Variants in AIM2 observed in about 807,000 individuals in gnomAD.
AIM2 encodes interferon-inducible protein AIM2.
Under a neutral mutation model 27.7 loss-of-function variants are expected in AIM2, and 30 were observed. The observed-to-expected ratio is 1.08, with a 90% CI of 0.81 to 1.47. AIM2 has a LOEUF of 1.47. Ranked by LOEUF, AIM2 falls within the 40% of genes most tolerant of loss-of-function variation. AIM2 has a pLI of 0.00. For missense variants in AIM2, 358 were observed against 411.3 expected, an observed-to-expected ratio of 0.87 and a Z score of 1.12; for synonymous variants, 141 against 145.3, an observed-to-expected ratio of 0.97 and a Z score of 0.21.
At chr1:159,058,809 G>A (rs1655738016), downstream of AIM2, among the ~76,000 whole-genome samples, 1 of 152,184 alleles carries the variant, frequency 6.6e-6, no homozygotes, top group Admixed American at 6.5e-5. Flanking sequence ...TGAAGCATGA[G>A]GAGGGCAGGG....
chr1:159,142,069 C>T (rs1180407285), upstream of AIM2, among the ~76,000 whole-genome samples: 1 of 152,210 alleles, frequency 6.6e-6, no homozygotes, highest in East Asian at 1.9e-4. Flanking sequence ...TCCACCCCCA[C>T]TCCCTCACTG....
At chr1:159,085,140 C>T (rs1656876626) in intron 1 of AIM2, among the ~76,000 whole-genome samples, 1 of 152,132 alleles carries the variant, frequency 6.6e-6, no homozygotes, top group Admixed American at 6.5e-5. Context: ...AAGATGGAAA[C>T]TCCATGGAGA....
intron 1 of AIM2, among the ~76,000 whole-genome samples, chr1:159,111,832 ATCTATCT>A (rs1657582928): frequency 4.0e-4 from 2 of 4,990 alleles, no homozygotes; most frequent in South Asian, 7.1e-3. Context: ...TCTATCTATC[ATCTATCT>A]ATCTATCTAT....
Position 159,116,504 on chromosome 1 carries a change from T to TA in AIM2, c.-16+23926dup, listed in dbSNP as rs562075494. Among the ~76,000 whole-genome samples, 391 of 152,248 alleles carry TA rather than the reference T, an allele frequency of 2.6e-3. 4 individuals are homozygous for TA. The highest frequency in any genetic ancestry group is 8.9e-3 in the African/African-American group (369 of 41,530). On this transcript the variant is annotated intron_variant, in intron 1 of 2. Coordinates refer to the AIM2 transcript ENST00000368129. ...TACATCATGGAATACTATGCAGCCA[T>TA]AAAAAATGATGAGTTCATGTCCTTT...
chr1:159,142,805 T>C (rs1320651751), upstream of AIM2, among the ~76,000 whole-genome samples: 2 of 152,192 alleles, frequency 1.3e-5, no homozygotes, highest in Middle Eastern at 6.3e-3. Flanking sequence ...TCCAAATCCT[T>C]CTTACCTCAC....
chr1:159,086,882 A>G (rs377586309), intron 1 of AIM2, among the ~76,000 whole-genome samples: 157 of 152,312 alleles, frequency 1.0e-3, no homozygotes, highest in African/African-American at 3.6e-3. Context: ...CATTATTATT[A>G]TGACTATCAA....
At chr1:159,077,382 C>T (rs1458903447), upstream of AIM2, among the ~76,000 whole-genome samples, 4 of 152,218 alleles carry the variant, frequency 2.6e-5, no homozygotes, top group Non-Finnish European at 4.4e-5. Context: ...CCGGAACTGT[C>T]ATGGCGTCAG....
rs1385208042 is a variant in AIM2, at chr1:159,065,810, A to G, written c.816+100T>C. 11 of 1,264,016 alleles carry G rather than the reference A, an allele frequency of 8.7e-6. 1 individual carries two copies. The highest frequency in any genetic ancestry group is 6.1e-5 in the African/African-American group (4 of 66,092). The allele number at this position is 1,264,016 out of a possible 1,614,324, so 78.3% of individuals were successfully genotyped here. ...AACTTTGTATTTTTTTATTTTGTCT[A>G]TATAGAAAGACATTAAAACCATTTC... On this transcript the variant is annotated intron_variant, in intron 4 of 5. Coordinates refer to ENST00000368130, the MANE Select transcript of AIM2 (RefSeq NM_004833.3).
upstream of AIM2, among the ~76,000 whole-genome samples, chr1:159,141,994 C>T (rs1557918199): frequency 6.6e-6 from 1 of 152,154 alleles, no homozygotes; most frequent in Admixed American, 6.5e-5. Flanking sequence ...GAAAATCTCT[C>T]GATTCTCATG....
chr1:159,144,141 GTGTT>G (rs2102062184), upstream of AIM2, among the ~76,000 whole-genome samples: 1 of 152,292 alleles, frequency 6.6e-6, no homozygotes, highest in African/African-American at 2.4e-5. Flanking sequence ...ATGAGGCAGA[GTGTT>G]TGTCCCCTTT....
intron 1 of AIM2, among the ~76,000 whole-genome samples, chr1:159,116,615 T>C (rs1434439949): frequency 2.0e-5 from 3 of 151,846 alleles, no homozygotes; most frequent in Non-Finnish European, 2.9e-5. Context: ...TTCTCACTCA[T>C]AGGTGGGAAC....
At chr1:159,105,405 G>T (rs1657416361) in intron 1 of AIM2, among the ~76,000 whole-genome samples, 1 of 152,118 alleles carries the variant, frequency 6.6e-6, no homozygotes, top group Non-Finnish European at 1.5e-5. Flanking sequence ...CTGCAACATA[G>T]TGAGTGGGGG....
intron 1 of AIM2, among the ~76,000 whole-genome samples, chr1:159,096,456 G>A (rs1657183174): frequency 6.6e-6 from 1 of 151,878 alleles, no homozygotes; most frequent in African/African-American, 2.4e-5. Context: ...TGTATACCAG[G>A]GGAATAATAA....
chr1:159,085,646 G>A (rs1270011224), intron 1 of AIM2, among the ~76,000 whole-genome samples: 1 of 152,226 alleles, frequency 6.6e-6, no homozygotes, highest in Non-Finnish European at 1.5e-5. Flanking sequence ...AGCTGATGCT[G>A]CAGAACAGGA....
At chr1:159,123,687 C>G (rs1013242645) in intron 1 of AIM2, 51 of 152,288 alleles carry the variant, frequency 3.3e-4, no homozygotes, top group African/African-American at 1.2e-3. Flanking sequence ...TGCATCCTTC[C>G]CACCCATCCA....
intron 1 of AIM2, chr1:159,132,181 C>T (rs1647903031): frequency 7.8e-6 from 1 of 128,618 alleles, no homozygotes; most frequent in Non-Finnish European, 1.6e-5. Flanking sequence ...AACTCCATCT[C>T]TACTAGAAAT....
upstream of AIM2, among the ~76,000 whole-genome samples, chr1:159,142,337 G>A (rs1285206628): frequency 1.3e-5 from 2 of 152,152 alleles, no homozygotes; most frequent in African/African-American, 4.8e-5. Context: ...TTAAGCATGG[G>A]AGTGAAGAAA....
At chr1:159,108,678 A>C (rs952282661) in intron 1 of AIM2, among the ~76,000 whole-genome samples, 7 of 152,340 alleles carry the variant, frequency 4.6e-5, no homozygotes, top group South Asian at 4.1e-4. Flanking sequence ...AGAACTGATG[A>C]AATAATTCAG....
chr1:159,059,326 AAGATTATT>A (rs1655757506), downstream of AIM2, among the ~76,000 whole-genome samples: 6 of 152,192 alleles, frequency 3.9e-5, no homozygotes, highest in African/African-American at 1.2e-4. Context: ...ATATGTGTTT[AAGATTATT>A]TTGCTCATTT....
Sources: allele counts gnomAD v4.1 joint callset (sites outside exome capture counted in the v4.1 genomes callset), GRCh38; gene constraint gnomAD v4.1.1; transcripts MANE v1.5; gene names NCBI Gene and HGNC (gene_info 2026-07-23, HGNC 2026-07-21).